Variants in ALMS1 observed in about 807,000 individuals in gnomAD.
ALMS1 encodes ALMS1 centrosome and basal body associated protein.
A neutral mutation model predicts 352.2 loss-of-function variants in ALMS1; 271 were observed. That is an observed-to-expected ratio of 0.77 (90% CI 0.70 to 0.85). The LOEUF (loss-of-function observed/expected upper bound fraction) is 0.85, where lower values mean the gene tolerates loss of function less well. Among genes scored for constraint, ALMS1 ranks in the 40% least tolerant of loss-of-function variants. ALMS1 has a pLI of 0.00. For synonymous variants in ALMS1, 1,865 were observed against 1,761.2 expected, an observed-to-expected ratio of 1.06 and a Z score of -1.48; for missense variants, 5,445 against 4,870.7, an observed-to-expected ratio of 1.12 and a Z score of -3.51.
At chr2:73,550,147 A>G (rs1429611913) in intron 12 of ALMS1, 120 bp from the exon 13 acceptor site, 3 of 1,012,348 alleles carry the variant, frequency 3.0e-6, no homozygotes, top group African/African-American at 1.6e-5. Flanking sequence ...GGCATGAGCC[A>G]TCGTGCCTGG....
chr2:73,432,357 G>A, intron 7 of ALMS1, 66 bp downstream of exon 7: 3 of 1,151,408 alleles, frequency 2.6e-6, no homozygotes, highest in Non-Finnish European at 3.9e-6. Context: ...TATCTTGTTA[G>A]GTCTATCTAA....
At chr2:73,470,246 C>G (rs142233875) in intron 9 of ALMS1, 182 of 151,108 alleles carry the variant, frequency 1.2e-3, no homozygotes, top group African/African-American at 4.4e-3. Flanking sequence ...TAGTTTTGTT[C>G]TTTTTTTTCT....
At chr2:73,461,189 A>T (rs909286777) in intron 9 of ALMS1, among the ~76,000 whole-genome samples, 1 of 152,238 alleles carries the variant, frequency 6.6e-6, no homozygotes, top group African/African-American at 2.4e-5. Flanking sequence ...GGCACCCCCC[A>T]GGAGGGGCAG....
intron 13 of ALMS1, among the ~76,000 whole-genome samples, chr2:73,554,858 C>T (rs1206550290): frequency 6.6e-6 from 1 of 152,036 alleles, no homozygotes; most frequent in Non-Finnish European, 1.5e-5. Flanking sequence ...CCATATTTTC[C>T]ACTGTACAAT....
chr2:73,455,331 T>C (rs985289906), intron 9 of ALMS1, 36 bp downstream of exon 9: 3 of 1,611,568 alleles, frequency 1.9e-6, no homozygotes, highest in Admixed American at 1.7e-5. Context: ...AAAGTAAATA[T>C]GAAAGAATGG....
intron 1 of ALMS1, among the ~76,000 whole-genome samples, chr2:73,395,224 T>G (rs1308801959): frequency 6.6e-6 from 1 of 150,856 alleles, no homozygotes; most frequent in Non-Finnish European, 1.5e-5. Context: ...GGATTACAGG[T>G]GTGTGCCACC....
At chr2:73,410,157 G>A (rs2103679579) in intron 2 of ALMS1, among the ~76,000 whole-genome samples, 1 of 152,314 alleles carries the variant, frequency 6.6e-6, no homozygotes. Flanking sequence ...GGGAGGCTGA[G>A]GTGGGTGGAT....
intron 9 of ALMS1, among the ~76,000 whole-genome samples, chr2:73,471,674 A>G (rs1672471829): frequency 6.6e-6 from 1 of 151,984 alleles, no homozygotes; most frequent in Middle Eastern, 3.2e-3. Context: ...TGAACACTTC[A>G]TATCTGTTAG....
chr2:73,518,708 A>G (rs960016092), intron 10 of ALMS1, among the ~76,000 whole-genome samples: 1 of 152,152 alleles, frequency 6.6e-6, no homozygotes, highest in Non-Finnish European at 1.5e-5. Flanking sequence ...GCATTTATGT[A>G]ATCAGTGATA....
At chr2:73,473,224 C>T (rs182475147) in intron 9 of ALMS1, among the ~76,000 whole-genome samples, 92 of 150,714 alleles carry the variant, frequency 6.1e-4, no homozygotes, top group Non-Finnish European at 9.8e-4. Context: ...GATGGAATGC[C>T]CCAACACAGA....
At chr2:73,401,217 A>G (rs1183406263) in intron 1 of ALMS1, among the ~76,000 whole-genome samples, 2 of 152,192 alleles carry the variant, frequency 1.3e-5, no homozygotes, top group African/African-American at 4.8e-5. Context: ...TTTATTTGCT[A>G]TTCTCAATTT....
chr2:73,557,141 G>T, intron 13 of ALMS1, 79 bp from the exon 14 acceptor site: 1 of 1,593,296 alleles, frequency 6.3e-7, no homozygotes, highest in Non-Finnish European at 8.6e-7. Flanking sequence ...GGTTTTGTTT[G>T]TAATTGTGGG....
At chr2:73,507,737 G>A (rs1463759975) in intron 10 of ALMS1, among the ~76,000 whole-genome samples, 1 of 151,866 alleles carries the variant, frequency 6.6e-6, no homozygotes. Context: ...TCCTGAATTC[G>A]TTGATTTTTT....
intron 7 of ALMS1, 97 bp downstream of exon 7, chr2:73,432,388 A>G (rs1671517999): frequency 3.8e-6 from 3 of 798,006 alleles, no homozygotes; most frequent in East Asian, 2.9e-5. Context: ...TTTAATATCT[A>G]TAATAATTAT....
chr2:73,450,103 C>T lies in ALMS1; in HGVS notation c.3576C>T (p.Tyr1192=). The T allele has an allele frequency of 6.2e-7, 1 of 1,614,018 alleles. No individual in the cohort carries two copies. The highest frequency in any genetic ancestry group is 8.5e-7 in the Non-Finnish European group (1 of 1,179,964). The part of the protein sequence containing the change: ...TWIPRVLSTF[Y]SQREKPGIFY... ...TACCAAGAGTACTTTCTACCTTCTA[C>T]TCACAAAGAGAGAAACCTGGTATTT... The change falls in exon 8 of 23, where the codon TAC becomes TAT. Residue 1192 remains tyrosine (Y), a synonymous_variant. Transcript: ENST00000613296.
intron 10 of ALMS1, among the ~76,000 whole-genome samples, chr2:73,508,102 T>C (rs1673370518): frequency 6.6e-6 from 1 of 150,850 alleles, no homozygotes; most frequent in African/African-American, 2.4e-5. Flanking sequence ...TTTTCTTTTC[T>C]CTTTTCTTTT....
intron 21 of ALMS1, 92 bp from the exon 22 acceptor site, chr2:73,608,383 A>C: frequency 1.0e-6 from 1 of 967,774 alleles, no homozygotes; most frequent in South Asian, 1.3e-5. Flanking sequence ...GGAGAGTGGG[A>C]GGTATAGGGA....
intron 13 of ALMS1, among the ~76,000 whole-genome samples, chr2:73,553,512 A>T (rs1392443731): frequency 6.6e-6 from 1 of 152,204 alleles, no homozygotes; most frequent in East Asian, 1.9e-4. Context: ...TATGAGGATG[A>T]AGTAGGGATT....
intron 10 of ALMS1, among the ~76,000 whole-genome samples, chr2:73,515,546 A>G (rs1339734824): frequency 6.6e-6 from 1 of 152,048 alleles, no homozygotes; most frequent in Non-Finnish European, 1.5e-5. Context: ...GAGCAAGCCA[A>G]CCCCAAAGCT....
Sources: gnomAD v4.1 joint callset for allele counts (sites outside exome capture counted in the v4.1 genomes callset) on GRCh38, gnomAD v4.1.1 for gene constraint, MANE v1.5 for transcripts, NCBI Gene and HGNC (gene_info 2026-07-23, HGNC 2026-07-21) for gene names.